The following TASOR2 variants were observed in gnomAD, a reference collection of about 807,000 sequenced individuals.
The protein encoded by TASOR2 is protein TASOR 2.
In TASOR2, 84 loss-of-function variants were observed where a neutral mutation model predicts 199.5. The observed-to-expected ratio is 0.42, with a 90% CI of 0.35 to 0.50. The LOEUF (loss-of-function observed/expected upper bound fraction) is 0.50, where lower values mean the gene tolerates loss of function less well. Among genes scored for constraint, TASOR2 ranks in the 20% least tolerant of loss-of-function variants. The pLI, the probability that TASOR2 is intolerant of heterozygous loss-of-function variation, is 0.02. For synonymous variants in TASOR2, 1,103 were observed against 1,046.6 expected, an observed-to-expected ratio of 1.05 and a Z score of -1.04; for missense variants, 2,796 against 2,835.9, an observed-to-expected ratio of 0.99 and a Z score of 0.32.
At chr10:5,757,591 T>G in exon 17 of TASOR2, 7 of 1,613,864 alleles carry the variant, frequency 4.3e-6, no homozygotes, top group Non-Finnish European at 5.9e-6. Context: ...CTGGAGATGT[T>G]CTTGATCACA....
intron 1 of TASOR2, among the ~76,000 whole-genome samples, chr10:5,700,048 C>T (rs1205363301): frequency 6.6e-6 from 1 of 151,988 alleles, no homozygotes; most frequent in Non-Finnish European, 1.5e-5. Flanking sequence ...TCTATCAAAC[C>T]ATATATTTAT....
rs1038295230 is a variant in TASOR2, at chr10:5,706,283, C to A, written c.-287-6540C>A. 2.6e-5 allele frequency among the ~76,000 whole-genome samples: 4 copies of A among 152,166 alleles called. No homozygotes were observed. The highest frequency in any genetic ancestry group is 2.0e-4 in the Admixed American group (3 of 15,284). On this transcript the variant is annotated intron_variant, in intron 1 of 20. Coordinates refer to ENST00000328090, the Ensembl canonical transcript of TASOR2. The surrounding 1 kb of genome is among the most constrained non-coding windows in gnomAD (Gnocchi z 4.8). ...TCTCAAAATCAGGTAGTGAGTCCTT[C>A]AGCTTTGTTCTTTTTCAAAATTGTT...
intron 14 of TASOR2, chr10:5,743,852 C>G (rs1340846494): frequency 1.3e-5 from 2 of 152,114 alleles, no homozygotes; most frequent in South Asian, 4.1e-4. Context: ...CTTACGTAGG[C>G]TTTTGTTTTT....
exon 19 of TASOR2, chr10:5,761,465 C>G: frequency 6.2e-7 from 1 of 1,610,822 alleles, no homozygotes; most frequent in East Asian, 2.2e-5. Flanking sequence ...TGCTGTCCTC[C>G]TAACAGGTAA....
intron 16 of TASOR2, 147 bp from the exon 18 acceptor site, chr10:5,757,373 A>G: frequency 1.3e-6 from 1 of 753,042 alleles, no homozygotes; most frequent in Non-Finnish European, 2.2e-6. Context: ...TGCCTCATGC[A>G]GGGCAGAATG....
intron 20 of TASOR2, 110 bp from the exon 22 acceptor site, chr10:5,762,919 A>G: frequency 2.0e-6 from 2 of 1,002,888 alleles, no homozygotes. Flanking sequence ...ACAGAACATA[A>G]TGTAACCTTA....
chr10:5,738,939 T>C lies in TASOR2; in HGVS notation c.1448-679T>C, dbSNP rs969243044. Among the ~76,000 whole-genome samples, 2 of 152,254 alleles carry C rather than the reference T, an allele frequency of 1.3e-5. No individual in the cohort carries two copies. Among genetic ancestry groups the C allele is most frequent in the Non-Finnish European group, 2.9e-5 (2 of 68,046 alleles). ...GGGAACATTGTCAGTAGATTTGCTC[T>C]TTCTTGGATAATGTAAAAGGTCAAT... On this transcript the variant is annotated intron_variant, in intron 12 of 20. Transcript: ENST00000328090. The surrounding 1 kb of genome is among the most constrained non-coding windows in gnomAD (Gnocchi z 4.7).
At chr10:5,712,188 C>G (rs1832008540) in intron 1 of TASOR2, 2 of 322,970 alleles carry the variant, frequency 6.2e-6, no homozygotes, top group Non-Finnish European at 1.1e-5. Flanking sequence ...AGCTCCTGTA[C>G]TAAAAGTAAT....
intron 1 of TASOR2, among the ~76,000 whole-genome samples, chr10:5,709,815 T>G (rs573954974): frequency 7.9e-5 from 12 of 152,214 alleles, no homozygotes; most frequent in Non-Finnish European, 1.8e-4. Context: ...TAATCATTAG[T>G]CCAAAAGTAA....
chr10:5,723,699 T>C, exon 7 of TASOR2: 1 of 1,590,662 alleles, frequency 6.3e-7, no homozygotes, highest in Non-Finnish European at 8.6e-7. Flanking sequence ...AGATTTTAAA[T>C]ATGTAATGAA....
Position 5,730,825 on chromosome 10 carries a change from A to C in TASOR2, c.826A>C (p.Thr276Pro), listed in dbSNP as rs536963348. Residue 276 changes from threonine (T) to proline (P), a missense_variant, in exon 11 of 21, where the codon ACT (threonine) becomes CCT (proline). Coordinates refer to ENST00000328090, the Ensembl canonical transcript of TASOR2. This position sits in a 1 kb window ranked among gnomAD's most constrained non-coding sequence, Gnocchi z 4.1. ...TAGTGCTTACATTTTGGAAGTGTCT[A>C]CTGCTTTGGACTTGCTAGCAGAGCA... The C allele has an allele frequency of 6.2e-7, 1 of 1,614,204 alleles. No individual in the cohort carries two copies. The highest frequency in any genetic ancestry group is 1.6e-4 in the Middle Eastern group (1 of 6,062).
exon 15 of TASOR2, chr10:5,749,041 A>G (rs1837614873): frequency 6.2e-7 from 1 of 1,613,992 alleles, no homozygotes; most frequent in African/African-American, 1.3e-5. Flanking sequence ...GAACTTCCAC[A>G]ACAACAACCA....
chr10:5,700,228 A>G (rs986278935), intron 1 of TASOR2, among the ~76,000 whole-genome samples: 2 of 152,134 alleles, frequency 1.3e-5, no homozygotes, highest in Non-Finnish European at 2.9e-5. Context: ...ACTTAACATA[A>G]AGACCTACAG....
At chr10:5,703,960 C>T (rs1313494665) in intron 1 of TASOR2, among the ~76,000 whole-genome samples, 1 of 151,910 alleles carries the variant, frequency 6.6e-6, no homozygotes, top group Non-Finnish European at 1.5e-5. Flanking sequence ...TGGTGGCTCA[C>T]ACCTGTAATC....
In TASOR2 at chr10:5,739,889, A is replaced by C. The variant is rs376460955; in HGVS notation, c.1719A>C (p.Glu573Asp). 24 of 1,614,106 alleles carry C rather than the reference A, an allele frequency of 1.5e-5. No individual in the cohort carries two copies. The African/African-American group carries it at 2.9e-4, about 20-fold the overall frequency. The change falls in exon 13 of 21, where the codon GAA becomes GAC. Residue 573 changes from glutamate to aspartate, a missense_variant. Around this residue, in one of 3 missense-constraint regions of TASOR2, gnomAD observed 847 missense variants for 887.4 expected, o/e 0.95. Transcript: ENST00000328090. ...AAAATGATGTTTTGCTCTCTAAAGA[A>C]AATTCTTTGCGAGGTACATCTGACC...
At chr10:5,739,780 T>C in exon 13 of TASOR2, 3 of 1,614,176 alleles carry the variant, frequency 1.9e-6, no homozygotes, top group Non-Finnish European at 1.7e-6. Context: ...CTAAATATGT[T>C]AGCCGATCTA....
At position 5,750,651 on chromosome 10, in the gene TASOR2, A is replaced by G. The variant is rs1837904377; in HGVS notation, c.6606+624A>G. Reference sequence around the variant, plus strand: ...ATTGTTTTTAATTTCAAATTTACATAAAGGTTGCAGAAATAGTACCCTTTA... The same window carrying G: ...ATTGTTTTTAATTTCAAATTTACATGAAGGTTGCAGAAATAGTACCCTTTA... On this transcript the variant is annotated intron_variant, in intron 15 of 20. Transcript: ENST00000328090. This position sits in a 1 kb window ranked among gnomAD's most constrained non-coding sequence, Gnocchi z 5.4. Among the ~76,000 whole-genome samples, 1 of 152,228 alleles carries G rather than the reference A, an allele frequency of 6.6e-6. No homozygotes were observed. The highest frequency in any genetic ancestry group is 1.5e-5 in the Non-Finnish European group (1 of 68,038).
intron 1 of TASOR2, among the ~76,000 whole-genome samples, chr10:5,708,212 A>C (rs781637317): frequency 1.3e-5 from 2 of 151,992 alleles, no homozygotes; most frequent in East Asian, 1.9e-4. Flanking sequence ...TTCTTCCCTT[A>C]ATCAGTCATA....
In TASOR2 at chr10:5,730,966, A is replaced by G. The variant is rs1282488539; in HGVS notation, c.967A>G (p.Lys323Glu). ...AGAAGTGAGAAAAGAAACTGAAACA[A>G]AAAAGGATTCTGAAGAAATGTTGAA... The change falls in exon 11 of 21, where the codon AAA (lysine) becomes GAA (glutamate). Residue 323 changes from lysine to glutamate, a missense_variant. This residue lies in a region of TASOR2 where 847 missense variants were observed against 887.4 expected (regional missense o/e 0.95). Transcript: ENST00000328090. The surrounding 1 kb of genome is among the most constrained non-coding windows in gnomAD (Gnocchi z 4.1). 1.2e-6 allele frequency: 2 copies of G among 1,614,132 alleles called. No homozygotes were observed. Among genetic ancestry groups the G allele is most frequent in the South Asian group, 2.2e-5 (2 of 91,088 alleles).
Sources: allele counts gnomAD v4.1 joint callset (sites outside exome capture counted in the v4.1 genomes callset), GRCh38; gene constraint gnomAD v4.1.1; regional missense constraint gnomAD v4.1.1; non-coding constraint Gnocchi (gnomAD v3.1); transcripts MANE v1.5; gene names NCBI Gene and HGNC (gene_info 2026-07-23, HGNC 2026-07-21).